Variants in TRPC4 observed in about 807,000 individuals in gnomAD.
TRPC4 encodes the protein short transient receptor potential channel 4.
Under a neutral mutation model 99.4 loss-of-function variants are expected in TRPC4, and 49 were observed. The observed-to-expected ratio is 0.49, with a 90% CI of 0.39 to 0.63. The LOEUF (loss-of-function observed/expected upper bound fraction) is 0.63, where lower values mean the gene tolerates loss of function less well. TRPC4 is among the 20% of genes least tolerant of loss of function. TRPC4 has a pLI of 0.00. For missense variants in TRPC4, 898 were observed against 1,152.9 expected (o/e 0.78, Z 3.20); for synonymous variants, 454 against 425.9 (o/e 1.07, Z -0.81).
rs1951478047 is a variant in TRPC4, at chr13:37,635,040, G to A, written c.*1863C>T. On this transcript the variant is annotated 3_prime_UTR_variant, in exon 11 of 11. Transcript: ENST00000379705. ...AGTTCTGAGATCACATAATAAATAT[G>A]TTTTTAAAATCTACTAACTTTAATG... Among the ~76,000 whole-genome samples the A allele has an allele frequency of 6.9e-6, 1 of 144,342 alleles. No individual in the cohort carries two copies. 94.7% of individuals were successfully genotyped at this position (144,342 alleles called of 152,430 possible).
chr13:37,798,944 T>C (rs866880068), intron 1 of TRPC4, among the ~76,000 whole-genome samples: 297 of 151,918 alleles, frequency 2.0e-3, no homozygotes, highest in Admixed American at 4.1e-3. Context: ...TTTTTTTTTT[T>C]TTTTTGAGAC....
At chr13:37,717,493 C>T (rs1328929034) in intron 3 of TRPC4, among the ~76,000 whole-genome samples, 5 of 152,120 alleles carry the variant, frequency 3.3e-5, no homozygotes, top group Non-Finnish European at 7.4e-5. Context: ...TCTTTATGAG[C>T]TGTTATGGTC....
intron 1 of TRPC4, among the ~76,000 whole-genome samples, chr13:37,817,488 T>C (rs530918524): frequency 4.6e-5 from 7 of 152,046 alleles, no homozygotes; most frequent in Non-Finnish European, 1.0e-4. Flanking sequence ...CCTATTATAC[T>C]ACCATTGAGA....
At chr13:37,772,059 G>C (rs1481678337) in intron 2 of TRPC4, among the ~76,000 whole-genome samples, 2 of 151,660 alleles carry the variant, frequency 1.3e-5, no homozygotes, top group Non-Finnish European at 2.9e-5. Context: ...TCAAGCCTGA[G>C]AGGTTTACCA....
chr13:37,700,135 A>G (rs1954058723), intron 3 of TRPC4, among the ~76,000 whole-genome samples: 1 of 152,194 alleles, frequency 6.6e-6, no homozygotes, highest in Non-Finnish European at 1.5e-5. Context: ...GCACATATAC[A>G]TTGTTCCAAA....
In TRPC4 at chr13:37,649,833, T is replaced by C. The variant is rs1319424430; in HGVS notation, c.2079+1432A>G. On this transcript the variant is annotated intron_variant, in intron 8 of 10. Coordinates refer to ENST00000379705, the MANE Select transcript of TRPC4 (RefSeq NM_016179.4). ...CAAAAGTCAAATATCTGGAGTAAAA[T>C]AATTTCACTCCCTTCTAAGGTCAGT... Among the ~76,000 whole-genome samples the C allele has an allele frequency of 2.8e-5, 4 of 145,314 alleles. No homozygotes were observed. In the Admixed American group the frequency reaches 2.8e-4, roughly 10 times the overall value.
In TRPC4 at chr13:37,681,982, C is replaced by T. The variant is rs144203691; in HGVS notation, c.1235-7615G>A. ...TTCCCATAACAGTTTTCACTCAGGGCTATTTGAATGTTCTATTATGTCCTG... is the reference window on the plus strand; with the variant it reads ...TTCCCATAACAGTTTTCACTCAGGGTTATTTGAATGTTCTATTATGTCCTG... On this transcript the variant is annotated intron_variant, in intron 4 of 10. Coordinates refer to ENST00000379705, the MANE Select transcript of TRPC4 (RefSeq NM_016179.4). Among the ~76,000 whole-genome samples the T allele has an allele frequency of 3.9e-3, 590 of 152,264 alleles. 1 individual carries two copies. Among genetic ancestry groups the T allele is most frequent in the Admixed American group, 7.0e-3 (107 of 15,294 alleles).
chr13:37,841,638 A>G (rs1958732345), intron 1 of TRPC4, among the ~76,000 whole-genome samples: 1 of 152,094 alleles, frequency 6.6e-6, no homozygotes. Context: ...AAGCACATGA[A>G]AAGATGTTTA....
In TRPC4 at chr13:37,637,434, G is replaced by A; in HGVS notation, c.2403C>T (p.Thr801=). 2 of 1,613,590 alleles carry A rather than the reference G, an allele frequency of 1.2e-6. No homozygotes were observed. Among genetic ancestry groups the A allele is most frequent in the Non-Finnish European group, 1.7e-6 (2 of 1,179,774 alleles). The change falls in exon 11 of 11, where the codon ACC becomes ACT. Residue 801 remains threonine (T), a synonymous_variant. Coordinates refer to ENST00000379705, the MANE Select transcript of TRPC4 (RefSeq NM_016179.4). ...KKNFSLFDLT[T]LIHPRSAAIA... Reference sequence around the variant, plus strand: ...TTGCTGCTGATCTCGGATGAATCAGGGTGGTTAAATCAAAAAGGCTGAAAT... The same window carrying A: ...TTGCTGCTGATCTCGGATGAATCAGAGTGGTTAAATCAAAAAGGCTGAAAT...
At chr13:37,755,913 T>C (rs1956085180) in intron 2 of TRPC4, among the ~76,000 whole-genome samples, 1 of 152,106 alleles carries the variant, frequency 6.6e-6, no homozygotes, top group African/African-American at 2.4e-5. Flanking sequence ...CTAAGTTCTT[T>C]AGCTTCCCCT....
intron 3 of TRPC4, among the ~76,000 whole-genome samples, chr13:37,731,517 T>C (rs1308119604): frequency 6.6e-6 from 1 of 151,952 alleles, no homozygotes; most frequent in Non-Finnish European, 1.5e-5. Context: ...AAAAATACAT[T>C]AAAAAAATTA....
At chr13:37,711,006 T>A (rs2138984523) in intron 3 of TRPC4, among the ~76,000 whole-genome samples, 1 of 152,082 alleles carries the variant, frequency 6.6e-6, no homozygotes, top group Non-Finnish European at 1.5e-5. Context: ...CATTAAAAAA[T>A]CTTCTTCACA....
chr13:37,651,918 GAT>G (rs759361756), intron 7 of TRPC4, among the ~76,000 whole-genome samples: 2 of 152,156 alleles, frequency 1.3e-5, no homozygotes, highest in Non-Finnish European at 2.9e-5. Context: ...AGTCTTATTG[GAT>G]ATGTTTTCAT....
chr13:37,807,205 A>T (rs1957549292), intron 1 of TRPC4, among the ~76,000 whole-genome samples: 1 of 151,952 alleles, frequency 6.6e-6, no homozygotes, highest in South Asian at 2.1e-4. Context: ...TTATGATATG[A>T]TATAATAGTT....
intron 4 of TRPC4, among the ~76,000 whole-genome samples, chr13:37,674,917 T>C (rs1488520580): frequency 3.3e-5 from 5 of 152,164 alleles, no homozygotes; most frequent in African/African-American, 9.7e-5. Flanking sequence ...AAAAAATGTA[T>C]TTTTAATTTT....
chr13:37,713,639 A>G (rs1954560648), intron 3 of TRPC4, among the ~76,000 whole-genome samples: 2 of 152,178 alleles, frequency 1.3e-5, no homozygotes, highest in East Asian at 3.9e-4. Flanking sequence ...AAGAAGAGTA[A>G]TTTTACATAG....
Position 37,787,258 on chromosome 13 carries a change from C to T in TRPC4, c.-27-3898G>A, listed in dbSNP as rs1203701119. Among the ~76,000 whole-genome samples the T allele has an allele frequency of 3.9e-5, 6 of 152,056 alleles. No homozygotes were observed. In the South Asian group the frequency reaches 8.3e-4, roughly 21 times the overall value. On this transcript the variant is annotated intron_variant, in intron 1 of 10. Coordinates refer to ENST00000379705, the MANE Select transcript of TRPC4 (RefSeq NM_016179.4). ...TTGACTGTGAAAAGATACATGTTTACGGATGTAATCTCATGACACAGTAAG... is the reference window on the plus strand; with the variant it reads ...TTGACTGTGAAAAGATACATGTTTATGGATGTAATCTCATGACACAGTAAG...
chr13:37,725,359 G>C (rs527673720), intron 3 of TRPC4, among the ~76,000 whole-genome samples: 49 of 151,992 alleles, frequency 3.2e-4, no homozygotes, highest in African/African-American at 1.1e-3. Context: ...TTGATGAAAA[G>C]CATGACTATA....
At chr13:37,774,894 A>G (rs1956655960) in intron 2 of TRPC4, among the ~76,000 whole-genome samples, 1 of 151,766 alleles carries the variant, frequency 6.6e-6, no homozygotes, top group African/African-American at 2.4e-5. Context: ...TTATATTAAC[A>G]TGTTATGTAT....
Sources: allele counts gnomAD v4.1 joint callset (sites outside exome capture counted in the v4.1 genomes callset), GRCh38; gene constraint gnomAD v4.1.1; transcripts MANE v1.5; gene names NCBI Gene and HGNC (gene_info 2026-07-23, HGNC 2026-07-21).